N4BP2L2: variants seen among roughly 807,000 people sequenced by gnomAD.
The protein encoded by N4BP2L2 is NEDD4 binding protein 2 like 2.
A neutral mutation model predicts 56.2 loss-of-function variants in N4BP2L2; 50 were observed. The ratio of observed to expected loss-of-function variants is 0.89; its 90% confidence interval spans 0.71 to 1.13. The LOEUF is 1.13. Among genes scored for constraint, N4BP2L2 ranks in the 50% most tolerant of loss-of-function variants. The pLI, the probability that N4BP2L2 is intolerant of heterozygous loss-of-function variation, is 0.00. For synonymous variants in N4BP2L2, 203 were observed against 223.6 expected, an observed-to-expected ratio of 0.91 and a Z score of 0.82; for missense variants, 689 against 693.8, an observed-to-expected ratio of 0.99 and a Z score of 0.08.
chr13:32,468,801 A>G (rs2081739649), intron 6 of N4BP2L2, among the ~76,000 whole-genome samples: 1 of 152,234 alleles, frequency 6.6e-6, no homozygotes, highest in African/African-American at 2.4e-5. Flanking sequence ...GAAAAGAGAG[A>G]GAGCCAGAGT....
intron 2 of N4BP2L2, among the ~76,000 whole-genome samples, chr13:32,529,283 C>T (rs1479179034): frequency 1.3e-5 from 2 of 152,086 alleles, no homozygotes; most frequent in African/African-American, 2.4e-5. Context: ...CATTAAAATG[C>T]CAATTAAAAA....
chr13:32,479,004 G>T (rs35084385), intron 6 of N4BP2L2, among the ~76,000 whole-genome samples: 1 of 151,810 alleles, frequency 6.6e-6, no homozygotes, highest in Non-Finnish European at 1.5e-5. Flanking sequence ...GAATGATGGC[G>T]GGTGCCTATA....
rs2075827315 is a variant in N4BP2L2 at position 32,438,825 on chromosome 13, T to G, written c.2105-88A>C. 9 of 828,442 alleles carry G rather than the reference T, an allele frequency of 1.1e-5. No homozygotes were observed. In the South Asian group the frequency reaches 1.5e-4, roughly 14 times the overall value. The allele number at this position is 828,442 out of a possible 1,614,324, so 51.3% of individuals were successfully genotyped here. ...GAAGACATGCAAACCTGATCTCTAA[T>G]TCACCATACCATTAAAAGTCTGGTT... On this transcript the variant is annotated intron_variant, in intron 7 of 9. Transcript: ENST00000357505.
intron 6 of N4BP2L2, among the ~76,000 whole-genome samples, chr13:32,503,880 T>G (rs2090463568): frequency 6.6e-6 from 1 of 152,048 alleles, no homozygotes; most frequent in African/African-American, 2.4e-5. Context: ...ATCCCAGCTC[T>G]AAAAAAATTT....
intron 6 of N4BP2L2, among the ~76,000 whole-genome samples, chr13:32,458,930 A>G (rs1365255791): frequency 6.6e-6 from 1 of 152,200 alleles, no homozygotes; most frequent in African/African-American, 2.4e-5. Flanking sequence ...AACTGTAATC[A>G]TATCAAGTAT....
chr13:32,442,825 T>A (rs1593411668), exon 7 of N4BP2L2: 1 of 1,613,708 alleles, frequency 6.2e-7, no homozygotes, highest in Admixed American at 1.7e-5. Flanking sequence ...ACGCTGTCCA[T>A]CAATATTTAA....
rs559628921 is a variant in N4BP2L2 at position 32,517,208 on chromosome 13, T to C, written c.*594A>G. 7.1e-6 allele frequency: 7 copies of C among 985,522 alleles called. No individual in the cohort carries two copies. In the South Asian group the frequency reaches 2.3e-4, roughly 33 times the overall value. The allele number at this position is 985,522 out of a possible 1,614,324, so 61.0% of individuals were successfully genotyped here. On this transcript the variant is annotated 3_prime_UTR_variant, in exon 6 of 6. Transcript: ENST00000267068. ...TGCATTACAAGATGAATATGCATAT[T>C]ATGAAGAAAACTCCCCAGGTGACTG...
chr13:32,487,801 C>A (rs780351236), intron 6 of N4BP2L2, among the ~76,000 whole-genome samples: 1 of 152,180 alleles, frequency 6.6e-6, no homozygotes, highest in Non-Finnish European at 1.5e-5. Flanking sequence ...ATGTTGTGAG[C>A]ATTTTTACAA....
chr13:32,474,432 G>A (rs2082881305), intron 6 of N4BP2L2, among the ~76,000 whole-genome samples: 1 of 151,918 alleles, frequency 6.6e-6, no homozygotes, highest in Non-Finnish European at 1.5e-5. Context: ...GCTCACGCCT[G>A]TAATCCCAGC....
chr13:32,482,427 T>A (rs1208068494), intron 6 of N4BP2L2, among the ~76,000 whole-genome samples: 1 of 152,200 alleles, frequency 6.6e-6, no homozygotes, highest in African/African-American at 2.4e-5. Flanking sequence ...AGTAGTGCCA[T>A]CTCGGCTCAC....
At chr13:32,452,067 T>C (rs2078153350) in intron 6 of N4BP2L2, among the ~76,000 whole-genome samples, 2 of 64,694 alleles carry the variant, frequency 3.1e-5, no homozygotes, top group Non-Finnish European at 9.3e-5. Context: ...CTTTTTCTTT[T>C]TTTTTTTTTT....
intron 9 of N4BP2L2, chr13:32,436,286 G>T: frequency 1.5e-6 from 1 of 682,830 alleles, no homozygotes; most frequent in Non-Finnish European, 2.4e-6. Flanking sequence ...ATACATATGA[G>T]CTATTACAAA....
intron 6 of N4BP2L2, among the ~76,000 whole-genome samples, chr13:32,483,354 C>A (rs1362118014): frequency 6.6e-6 from 1 of 152,182 alleles, no homozygotes; most frequent in Non-Finnish European, 1.5e-5. Context: ...ACGCAGGTGG[C>A]CTTTGATGAA....
chr13:32,464,667 C>T (rs1470027832), intron 6 of N4BP2L2, among the ~76,000 whole-genome samples: 1 of 152,152 alleles, frequency 6.6e-6, no homozygotes, highest in Non-Finnish European at 1.5e-5. Flanking sequence ...TATATTAAAT[C>T]CCCCTATTTG....
At chr13:32,505,481 C>T (rs1593936810), downstream of N4BP2L2, 3 of 152,316 alleles carry the variant, frequency 2.0e-5, 1 homozygote, top group Admixed American at 1.3e-4. Context: ...AATCTTCAGG[C>T]TCTGGTTGCT....
chr13:32,517,196 G>C (rs1276173917), exon 6 of N4BP2L2: 1 of 984,694 alleles, frequency 1.0e-6, no homozygotes, highest in East Asian at 1.1e-4. Context: ...ATTACAAGAT[G>C]AATATGCATA....
chr13:32,458,761 G>C (rs1401390782), intron 6 of N4BP2L2, among the ~76,000 whole-genome samples: 2 of 152,094 alleles, frequency 1.3e-5, no homozygotes, highest in African/African-American at 4.8e-5. Context: ...AAAAACATAA[G>C]ATTTAAACTG....
At chr13:32,472,255 C>A (rs1386157398) in intron 6 of N4BP2L2, among the ~76,000 whole-genome samples, 2 of 152,172 alleles carry the variant, frequency 1.3e-5, no homozygotes, top group Non-Finnish European at 2.9e-5. Flanking sequence ...AAACCTAAAA[C>A]TGTCCTAAAA....
chr13:32,508,062 A>G (rs2091233552), downstream of N4BP2L2: 1 of 152,180 alleles, frequency 6.6e-6, no homozygotes, highest in South Asian at 2.1e-4. Flanking sequence ...GAAGCCAAGT[A>G]AAGTATTTTA....
Sources: gnomAD v4.1 joint callset for allele counts (sites outside exome capture counted in the v4.1 genomes callset) on GRCh38, gnomAD v4.1.1 for gene constraint, MANE v1.5 for transcripts, NCBI Gene and HGNC (gene_info 2026-07-23, HGNC 2026-07-21) for gene names.